The following DNAAF9 variants were observed in gnomAD, a reference collection of about 807,000 sequenced individuals.
DNAAF9 encodes dynein axonemal assembly factor 9.
A neutral mutation model predicts 167.0 loss-of-function variants in DNAAF9; 90 were observed. The observed-to-expected ratio is 0.54, with a 90% CI of 0.45 to 0.64. The LOEUF (loss-of-function observed/expected upper bound fraction) is 0.64, where lower values mean the gene tolerates loss of function less well. Ranked by LOEUF, DNAAF9 falls within the 30% of genes least tolerant of loss-of-function variation. The pLI, the probability that DNAAF9 is intolerant of heterozygous loss-of-function variation, is 0.00. For missense variants in DNAAF9, 1,315 were observed against 1,442.2 expected (o/e 0.91, Z 1.43); for synonymous variants, 491 against 508.8 (o/e 0.96, Z 0.47).
intron 27 of DNAAF9, among the ~76,000 whole-genome samples, chr20:3,286,099 C>A (rs1319221614): frequency 1.3e-5 from 2 of 152,124 alleles, no homozygotes; most frequent in Admixed American, 1.3e-4. Context: ...GCATGAAGGC[C>A]CAGCCCCAAG....
intron 29 of DNAAF9, among the ~76,000 whole-genome samples, chr20:3,275,044 T>C (rs1021742439): frequency 3.9e-5 from 6 of 152,204 alleles, no homozygotes; most frequent in South Asian, 2.1e-4. Flanking sequence ...CCTGGAAAGC[T>C]TGATGCCAGA....
intron 8 of DNAAF9, 125 bp from the exon 9 acceptor site, chr20:3,343,856 T>C (rs1600823938): frequency 1.1e-5 from 7 of 631,406 alleles, no homozygotes; most frequent in East Asian, 2.8e-5. Flanking sequence ...TGTGTGTGTG[T>C]GTGCGTGTGT....
chr20:3,391,405 T>A (rs1195996274), intron 1 of DNAAF9, among the ~76,000 whole-genome samples: 1 of 152,128 alleles, frequency 6.6e-6, no homozygotes, highest in Non-Finnish European at 1.5e-5. Context: ...TATTTTGGCA[T>A]ATTTGCTTTT....
At chr20:3,380,113 T>C (rs891399328) in intron 3 of DNAAF9, among the ~76,000 whole-genome samples, 33 of 152,182 alleles carry the variant, frequency 2.2e-4, no homozygotes, top group Non-Finnish European at 4.3e-4. Flanking sequence ...GAATTTAAAC[T>C]ATTTCCTTAA....
At chr20:3,330,940 C>T (rs1245311557) in intron 11 of DNAAF9, among the ~76,000 whole-genome samples, 11 of 151,884 alleles carry the variant, frequency 7.2e-5, no homozygotes, top group Admixed American at 2.0e-4. Flanking sequence ...TACAGGTGCA[C>T]GCCACCATGC....
intron 33 of DNAAF9, among the ~76,000 whole-genome samples, chr20:3,258,711 G>A (rs2068325599): frequency 6.6e-6 from 1 of 151,984 alleles, no homozygotes; most frequent in African/African-American, 2.4e-5. Flanking sequence ...ACATCACCTG[G>A]CTCCTCAGTG....
chr20:3,289,358 A>G (rs1441855769), intron 26 of DNAAF9, among the ~76,000 whole-genome samples: 1 of 152,134 alleles, frequency 6.6e-6, no homozygotes, highest in African/African-American at 2.4e-5. Flanking sequence ...GTGGGAGGAT[A>G]ATTTGAACCC....
intron 20 of DNAAF9, among the ~76,000 whole-genome samples, chr20:3,306,159 G>C (rs1401824657): frequency 1.3e-5 from 2 of 151,120 alleles, no homozygotes; most frequent in African/African-American, 4.9e-5. Flanking sequence ...TTCCTTCTTA[G>C]AGCAGTAAAG....
chr20:3,278,635 G>T (rs113830267), intron 29 of DNAAF9, among the ~76,000 whole-genome samples: 6,721 of 152,152 alleles, frequency 0.044, 222 homozygotes, highest in African/African-American at 0.094. Flanking sequence ...AGGAGAATCA[G>T]TTGAACCTGG....
At chr20:3,365,049 C>T (rs1248351710) in intron 6 of DNAAF9, among the ~76,000 whole-genome samples, 1 of 151,832 alleles carries the variant, frequency 6.6e-6, no homozygotes, top group African/African-American at 2.4e-5. Flanking sequence ...AGCAATCCTC[C>T]AGAAAGACTG....
chr20:3,371,085 G>A (rs2123212248), intron 6 of DNAAF9, among the ~76,000 whole-genome samples: 1 of 151,512 alleles, frequency 6.6e-6, no homozygotes, highest in East Asian at 1.9e-4. Flanking sequence ...CCCTTCCTCT[G>A]TATTCTGGAA....
At chr20:3,391,785 G>A (rs1048450169) in intron 1 of DNAAF9, among the ~76,000 whole-genome samples, 5 of 151,946 alleles carry the variant, frequency 3.3e-5, no homozygotes, top group African/African-American at 1.2e-4. Context: ...CTCCATGTTG[G>A]CCAGGCTGGT....
Position 3,356,143 on chromosome 20 carries a change from A to G in DNAAF9, c.690+3373T>C, listed in dbSNP as rs141990199. Among the ~76,000 whole-genome samples, 1,374 of 152,206 alleles carry G rather than the reference A, an allele frequency of 9.0e-3. 19 individuals are homozygous for G. The highest frequency in any genetic ancestry group is 0.032 in the African/African-American group (1,319 of 41,518). On this transcript the variant is annotated intron_variant, in intron 7 of 36. Transcript: ENST00000252032. The stretch of plus-strand genomic sequence containing the variant: ...AGTGATTCTCCTGCCTCAGCCTCCC[A>G]AGTAGCTGGGATTACAGGCATGTGC...
chr20:3,304,219 GGTAAGCCCTTTACAGAGCAGT>G (rs918259483), intron 21 of DNAAF9, among the ~76,000 whole-genome samples, 200 bp downstream of exon 21: 1 of 152,146 alleles, frequency 6.6e-6, no homozygotes, highest in African/African-American at 2.4e-5. Flanking sequence ...GCCCTTTCTA[GGTAAGCCCTTTACAGAGCAGT>G]GAGGTTGATG....
chr20:3,387,372 T>C lies in DNAAF9; in HGVS notation c.84-4866A>G, dbSNP rs539398052. Among the ~76,000 whole-genome samples the C allele has an allele frequency of 9.2e-5, 14 of 152,284 alleles. No individual in the cohort carries two copies. The East Asian group carries it at 2.1e-3, about 23-fold the overall frequency. ...CCCTCACATACCTGGTCAAATGATT[T>C]TGACAAGGATGTCAAGACCACTCAA... On this transcript the variant is annotated intron_variant, in intron 1 of 36. Transcript: ENST00000252032.
At chr20:3,393,928 T>C (rs2083863637) in intron 1 of DNAAF9, among the ~76,000 whole-genome samples, 1 of 152,230 alleles carries the variant, frequency 6.6e-6, no homozygotes, top group African/African-American at 2.4e-5. Flanking sequence ...AGTTGTCAAA[T>C]GTTTATTGAT....
At chr20:3,332,154 C>G in intron 11 of DNAAF9, 126 bp downstream of exon 11, 1 of 615,496 alleles carries the variant, frequency 1.6e-6, no homozygotes, top group South Asian at 1.9e-5. Context: ...AGAGAGGGAG[C>G]TGGAGGCCCA....
At chr20:3,271,424 A>G (rs537223973) in intron 29 of DNAAF9, among the ~76,000 whole-genome samples, 2 of 152,082 alleles carry the variant, frequency 1.3e-5, no homozygotes, top group Admixed American at 1.3e-4. Context: ...ATCACTCCCA[A>G]CCTTTTGGTG....
intron 29 of DNAAF9, among the ~76,000 whole-genome samples, chr20:3,273,122 C>T (rs557981924): frequency 1.3e-5 from 2 of 152,262 alleles, no homozygotes; most frequent in South Asian, 2.1e-4. Context: ...TGAGCCATCG[C>T]GCCCGGTGAG....
Sources: allele counts gnomAD v4.1 joint callset (sites outside exome capture counted in the v4.1 genomes callset), GRCh38; gene constraint gnomAD v4.1.1; transcripts MANE v1.5; gene names NCBI Gene and HGNC (gene_info 2026-07-23, HGNC 2026-07-21).